Variants in ATP10B observed in about 807,000 individuals in gnomAD.
ATP10B encodes ATPase phospholipid transporting 10B (putative).
Under a neutral mutation model 141.2 loss-of-function variants are expected in ATP10B, and 122 were observed. That is an observed-to-expected ratio of 0.86 (90% confidence interval 0.75 to 1.00). The LOEUF (loss-of-function observed/expected upper bound fraction) is 1.00. ATP10B is among the 50% of genes least tolerant of loss of function. The pLI, the probability that ATP10B is intolerant of heterozygous loss-of-function variation, is 0.00. For synonymous variants in ATP10B, 685 were observed against 692.0 expected, an observed-to-expected ratio of 0.99 and a Z score of 0.16; for missense variants, 1,876 against 1,825.3, an observed-to-expected ratio of 1.03 and a Z score of -0.51.
intron 25 of ATP10B, among the ~76,000 whole-genome samples, 176 bp from the exon 26 acceptor site, chr5:160,566,076 A>G (rs543534856): frequency 6.6e-6 from 1 of 152,254 alleles, no homozygotes; most frequent in South Asian, 2.1e-4. Flanking sequence ...AAAAATAACA[A>G]CAAAACATAA....
At chr5:160,695,531 G>C (rs1164907035) in intron 3 of ATP10B, among the ~76,000 whole-genome samples, 4 of 151,540 alleles carry the variant, frequency 2.6e-5, no homozygotes, top group Admixed American at 6.6e-5. Context: ...TATGTGCTGT[G>C]TTTCTGAAAG....
At chr5:160,838,234 G>A (rs949009497) in intron 1 of ATP10B, among the ~76,000 whole-genome samples, 2 of 152,136 alleles carry the variant, frequency 1.3e-5, no homozygotes. Flanking sequence ...TTACTCATGG[G>A]TTCAGAATGT....
intron 1 of ATP10B, among the ~76,000 whole-genome samples, chr5:160,817,965 GA>G (rs1256926568): frequency 2.0e-5 from 3 of 152,170 alleles, no homozygotes; most frequent in Admixed American, 2.0e-4. Flanking sequence ...GCTGAAACTG[GA>G]TCCCTTCCTT....
intron 2 of ATP10B, among the ~76,000 whole-genome samples, chr5:160,729,240 G>A (rs1165547891): frequency 6.6e-6 from 1 of 152,072 alleles, no homozygotes; most frequent in African/African-American, 2.4e-5. Flanking sequence ...TCCATTTCTG[G>A]GTATTCTCGG....
intron 8 of ATP10B, among the ~76,000 whole-genome samples, chr5:160,644,991 C>T (rs1305045833): frequency 2.6e-5 from 4 of 151,958 alleles, no homozygotes; most frequent in African/African-American, 9.7e-5. Flanking sequence ...GTGGCAGGTG[C>T]CTGTAATCCC....
intron 1 of ATP10B, among the ~76,000 whole-genome samples, chr5:160,840,094 A>T (rs867513329): frequency 5.3e-5 from 8 of 152,196 alleles, no homozygotes; most frequent in East Asian, 1.9e-4. Flanking sequence ...AGTACATTTG[A>T]AAGTGGAAAG....
chr5:160,687,697 G>T, intron 5 of ATP10B, 103 bp downstream of exon 5: 1 of 1,309,646 alleles, frequency 7.6e-7, no homozygotes, highest in Non-Finnish European at 1.1e-6. Context: ...CCCAGGAGGT[G>T]AAGGTTGCAG....
intron 2 of ATP10B, among the ~76,000 whole-genome samples, chr5:160,722,644 T>G (rs1766068246): frequency 1.3e-5 from 2 of 151,918 alleles, no homozygotes; most frequent in South Asian, 4.2e-4. Context: ...TTACAAATGA[T>G]CTCTAACCTC....
At chr5:160,685,133 G>C in intron 6 of ATP10B, 1 of 700,476 alleles carries the variant, frequency 1.4e-6, no homozygotes, top group South Asian at 1.5e-5. Context: ...TTCTCTTTGT[G>C]AGACCATCCT....
the ATP10B span, among the ~76,000 whole-genome samples, chr5:160,900,727 TACA>T: frequency 6.6e-6 from 1 of 152,150 alleles, no homozygotes; most frequent in African/African-American, 2.4e-5. Context: ...GCCATATGTA[TACA>T]ACAAGTTAGA....
chr5:160,918,778 T>A, the ATP10B span, among the ~76,000 whole-genome samples: 1 of 152,098 alleles, frequency 6.6e-6, no homozygotes, highest in Non-Finnish European at 1.5e-5. Context: ...TAAACCTTGC[T>A]CAGAGGAGGA....
chr5:160,783,590 C>CAT (rs760681233), intron 2 of ATP10B, among the ~76,000 whole-genome samples: 6 of 132,282 alleles, frequency 4.5e-5, no homozygotes, highest in Non-Finnish European at 6.5e-5. Flanking sequence ...CACACACACA[C>CAT]ACACACATAC....
intron 7 of ATP10B, among the ~76,000 whole-genome samples, chr5:160,652,191 C>T (rs995217033): frequency 6.6e-6 from 1 of 152,022 alleles, no homozygotes; most frequent in South Asian, 2.1e-4. Context: ...ACTTTTGTCC[C>T]CATCTTCCTC....
At chr5:160,605,669 C>T (rs769818776) in intron 19 of ATP10B, among the ~76,000 whole-genome samples, 3 of 152,168 alleles carry the variant, frequency 2.0e-5, no homozygotes, top group Non-Finnish European at 4.4e-5. Context: ...AAAACCATCA[C>T]GTTTAATAGG....
Position 160,695,294 on chromosome 5 carries a change from C to A in ATP10B, c.-204-6351G>T, listed in dbSNP as rs1764294026. On this transcript the variant is annotated intron_variant, in intron 3 of 25. Transcript: ENST00000327245. ...ACTCCACTCTAATTTTTAGTCTAGT[C>A]TGTTGGGGCCTAGCTTTGTCCAAAA... Among the ~76,000 whole-genome samples the A allele has an allele frequency of 1.3e-5, 2 of 152,270 alleles. 1 individual carries two copies. Among genetic ancestry groups the A allele is most frequent in the Admixed American group, 1.3e-4 (2 of 15,292 alleles).
At chr5:160,737,716 A>G (rs1012340613) in intron 2 of ATP10B, among the ~76,000 whole-genome samples, 2 of 152,182 alleles carry the variant, frequency 1.3e-5, no homozygotes, top group Admixed American at 1.3e-4. Flanking sequence ...AAATATGAGA[A>G]AAAAGAAGAG....
rs189995974 is a variant in ATP10B at position 160,828,022 on chromosome 5, A to G, written c.-576+23919T>C. On this transcript the variant is annotated intron_variant, in intron 1 of 25. Coordinates refer to ENST00000327245, the MANE Select transcript of ATP10B (RefSeq NM_025153.3). The stretch of plus-strand genomic sequence containing the variant: ...GGCTAGCCATATGTAGAAAGCTGAA[A>G]CTGGATCCCTTCCTTACACCTTATA... Among the ~76,000 whole-genome samples, 909 of 152,264 alleles carry G rather than the reference A, an allele frequency of 6.0e-3. 13 individuals are homozygous for G. The highest frequency in any genetic ancestry group is 0.021 in the African/African-American group (865 of 41,540).
Position 160,569,636 on chromosome 5 carries a change from A to C in ATP10B, c.3798T>G (p.Phe1266Leu). ...VVLLGSFLMY[F>L]LVSLLYNATC... Reference sequence around the variant, plus strand: ...TGGCATTGTACAGGAGGGATACCAGAAAGTACATCAGGAAGCTGCCGAGGA... The same window carrying C: ...TGGCATTGTACAGGAGGGATACCAGCAAGTACATCAGGAAGCTGCCGAGGA... The change falls in exon 25 of 26, where the codon TTT becomes TTG. Residue 1266 changes from phenylalanine to leucine, a missense_variant. By Grantham distance (22) the Phe-to-Leu change is conservative. Coordinates refer to ENST00000327245, the MANE Select transcript of ATP10B (RefSeq NM_025153.3). 6.2e-7 allele frequency: 1 copy of C among 1,606,914 alleles called. No homozygotes were observed. Among genetic ancestry groups the C allele is most frequent in the Non-Finnish European group, 8.5e-7 (1 of 1,177,078 alleles).
rs140126751 is a variant in ATP10B at position 160,834,219 on chromosome 5, G to T, written c.-576+17722C>A. 3.3e-5 allele frequency among the ~76,000 whole-genome samples: 5 copies of T among 152,094 alleles called. No homozygotes were observed. The South Asian group carries it at 8.3e-4, about 25-fold the overall frequency. ...ATAAGCCTGTAATCCTAGCTACTTGGGAGGCTGAGGCATGAGAATCGCTTG... is the reference window on the plus strand; with the variant it reads ...ATAAGCCTGTAATCCTAGCTACTTGTGAGGCTGAGGCATGAGAATCGCTTG... On this transcript the variant is annotated intron_variant, in intron 1 of 25. Coordinates refer to ENST00000327245, the MANE Select transcript of ATP10B (RefSeq NM_025153.3).
Sources: gnomAD v4.1 joint callset for allele counts (sites outside exome capture counted in the v4.1 genomes callset) on GRCh38, gnomAD v4.1.1 for gene constraint, MANE v1.5 for transcripts, NCBI Gene and HGNC (gene_info 2026-07-23, HGNC 2026-07-21) for gene names.